ZNF732: variants seen among roughly 807,000 people sequenced by gnomAD.
The protein encoded by ZNF732 is zinc finger protein LOC654254.
Under a neutral mutation model 11.5 loss-of-function variants are expected in ZNF732, and 12 were observed. The observed-to-expected ratio is 1.05, with a 90% CI of 0.67 to 1.70. ZNF732 has a LOEUF of 1.70. ZNF732 is among the 40% of genes most tolerant of loss of function. ZNF732 has a pLI of 0.00. For missense variants in ZNF732, 702 were observed against 676.9 expected, an observed-to-expected ratio of 1.04 and a Z score of -0.41; for synonymous variants, 231 against 236.5, an observed-to-expected ratio of 0.98 and a Z score of 0.21.
At position 295,464 on chromosome 4, in the gene ZNF732, A is replaced by G. The variant is rs1553842111; in HGVS notation, c.200T>C (p.Ile67Thr). 6.2e-7 allele frequency: 1 copy of G among 1,610,920 alleles called. No individual in the cohort carries two copies. Among genetic ancestry groups the G allele is most frequent in the South Asian group, 1.1e-5 (1 of 90,458 alleles). Residue 67 changes from isoleucine (I) to threonine (T), a missense_variant, in exon 3 of 4, where the codon ATA (isoleucine) becomes ACA (threonine). Ile to Thr is a moderately conservative substitution (Grantham distance 89). Transcript: ENST00000419098. ...EQRKEPYKVKIHETVAKHPAV... is the reference protein window; with the variant it reads ...EQRKEPYKVKTHETVAKHPAV... ...TGGGTGTTTGGCTACTGTCTCATGT[A>G]TCTTCACTTTGTAGGGCTCCTTTCT...
chr4:286,325 A>G (rs1719730205), intron 3 of ZNF732, among the ~76,000 whole-genome samples: 1 of 152,254 alleles, frequency 6.6e-6, no homozygotes, highest in Non-Finnish European at 1.5e-5. Context: ...ACAGAAGAAC[A>G]TGTAAATAAT....
At chr4:290,291 G>A (rs1269097937) in intron 3 of ZNF732, among the ~76,000 whole-genome samples, 1 of 152,186 alleles carries the variant, frequency 6.6e-6, no homozygotes, top group Non-Finnish European at 1.5e-5. Context: ...CTACAGACAA[G>A]GAAATTATGC....
chr4:296,234 A>G, intron 1 of ZNF732, 79 bp from the exon 2 acceptor site: 1 of 1,545,974 alleles, frequency 6.5e-7, no homozygotes, highest in South Asian at 1.2e-5. Context: ...TAGTTCTGAC[A>G]TGTGACTGAC....
chr4:300,529 G>C (rs1720095291), intron 1 of ZNF732, among the ~76,000 whole-genome samples: 1 of 146,664 alleles, frequency 6.8e-6, no homozygotes, highest in Non-Finnish European at 1.5e-5. Flanking sequence ...AATTACAAAA[G>C]ACAAATAGTT....
At chr4:301,029 AAAC>A (rs782087691) in intron 1 of ZNF732, among the ~76,000 whole-genome samples, 2 of 152,198 alleles carry the variant, frequency 1.3e-5, no homozygotes, top group African/African-American at 2.4e-5. Context: ...TACAAGAAAA[AAAC>A]AACCCCATCA....
At chr4:292,891 A>G (rs1719867640) in intron 3 of ZNF732, among the ~76,000 whole-genome samples, 1 of 39,052 alleles carries the variant, frequency 2.6e-5, no homozygotes, top group Non-Finnish European at 6.0e-5. Flanking sequence ...CTAAAAACAC[A>G]AAAAAAAAAA....
rs1482774791 is a variant in ZNF732 at position 305,446 on chromosome 4, C to G, written c.-136G>C. The G allele has an allele frequency of 3.9e-6, 5 of 1,282,946 alleles. No homozygotes were observed. The South Asian group carries it at 5.3e-5, about 14-fold the overall frequency. 79.5% of individuals were successfully genotyped at this position (1,282,946 alleles called of 1,614,324 possible). ...GGGTGAAAGCACGGCCGTGGAGACC[C>G]TAACCGAGCTCACGCTGGCGCAAAA... On this transcript the variant is annotated 5_prime_UTR_variant, in exon 1 of 4. Transcript: ENST00000419098.
In ZNF732 at chr4:273,868, GA is replaced by G. The variant is rs782395865; in HGVS notation, c.227-1239del. ...AATTGGGATATTGTTAAGGTGCTAG[GA>G]AAAAAAAAAAAAACTTCTATGTGGG... On this transcript the variant is annotated intron_variant, in intron 3 of 3. Transcript: ENST00000419098. 1.7e-3 allele frequency among the ~76,000 whole-genome samples: 219 copies of G among 131,240 alleles called. 1 individual carries two copies. Among genetic ancestry groups the G allele is most frequent in the Middle Eastern group, 4.1e-3 (1 of 246 alleles). The allele number at this position is 131,240 out of a possible 152,430, so 86.1% of individuals were successfully genotyped here.
intron 1 of ZNF732, among the ~76,000 whole-genome samples, chr4:303,368 T>A (rs1720156552): frequency 6.6e-6 from 1 of 152,172 alleles, no homozygotes; most frequent in South Asian, 2.1e-4. Context: ...TGTGGCGTTT[T>A]CTCTAACTTG....
intron 1 of ZNF732, among the ~76,000 whole-genome samples, chr4:298,105 A>G (rs1719998174): frequency 6.6e-6 from 1 of 152,228 alleles, no homozygotes. Context: ...ATTAGAAGCT[A>G]AATATTTATT....
chr4:287,012 G>T (rs534476574), intron 3 of ZNF732, among the ~76,000 whole-genome samples: 1 of 151,970 alleles, frequency 6.6e-6, no homozygotes, highest in Non-Finnish European at 1.5e-5. Flanking sequence ...TTATCTGGGC[G>T]TGGTGGTGCA....
At chr4:288,177 TA>T (rs1223872069) in intron 3 of ZNF732, among the ~76,000 whole-genome samples, 2 of 152,206 alleles carry the variant, frequency 1.3e-5, no homozygotes, top group African/African-American at 4.8e-5. Flanking sequence ...ACATAATTTT[TA>T]ATTTTTTTTG....
chr4:283,112 T>A (rs1022622155), intron 3 of ZNF732, among the ~76,000 whole-genome samples: 1 of 152,262 alleles, frequency 6.6e-6, no homozygotes, highest in East Asian at 1.9e-4. Context: ...AGGATCAGTA[T>A]CATTATTCCA....
rs1560165473 is a variant in ZNF732, at chr4:299,563, AGT to A, written c.4-3410_4-3409del. ...TATACACATATATATGTATATATATAGTTTTATATATATAATTTATATATAAA... is the reference window on the plus strand; with the variant it reads ...TATACACATATATATGTATATATATATTTATATATATAATTTATATATAAA... On this transcript the variant is annotated intron_variant, in intron 1 of 3. Coordinates refer to ENST00000419098, the MANE Select transcript of ZNF732 (RefSeq NM_001137608.3). Among the ~76,000 whole-genome samples the A allele has an allele frequency of 3.5e-4, 49 of 139,322 alleles. 1 individual carries two copies. The highest frequency in any genetic ancestry group is 1.3e-3 in the African/African-American group (48 of 37,384). The allele number at this position is 139,322 out of a possible 152,430, so 91.4% of individuals were successfully genotyped here. A position where few individuals can be genotyped will look rare whatever the true frequency, so the allele number is the denominator to read the frequency against.
At chr4:282,585 C>G (rs1319408553) in intron 3 of ZNF732, among the ~76,000 whole-genome samples, 2 of 152,058 alleles carry the variant, frequency 1.3e-5, no homozygotes, top group African/African-American at 4.8e-5. Flanking sequence ...CTTGTAATCC[C>G]AGCTACTTGG....
chr4:280,910 C>T (rs1345708174), intron 3 of ZNF732, among the ~76,000 whole-genome samples: 2 of 152,102 alleles, frequency 1.3e-5, no homozygotes, highest in Non-Finnish European at 2.9e-5. Context: ...GCCCCAAATC[C>T]ACTCTTTACA....
At chr4:296,526 C>G (rs574679285) in intron 1 of ZNF732, among the ~76,000 whole-genome samples, 2 of 152,134 alleles carry the variant, frequency 1.3e-5, no homozygotes, top group Non-Finnish European at 2.9e-5. Flanking sequence ...AATGTTTCCA[C>G]CCAGAACAAC....
In ZNF732 at chr4:295,568, G is replaced by C. The variant is rs555249887; in HGVS notation, c.131-35C>G. ...TTAAAAAATTAACATGCTACTGTTA[G>C]GGATTCTCCAATTACCTACCTAATA... On this transcript the variant is annotated intron_variant, in intron 2 of 3. Coordinates refer to ENST00000419098, the MANE Select transcript of ZNF732 (RefSeq NM_001137608.3). 3.3e-4 allele frequency: 510 copies of C among 1,539,166 alleles called. 9 individuals are homozygous for C. The South Asian group carries it at 3.4e-3, about 10-fold the overall frequency.
At chr4:300,217 C>A (rs761047059) in intron 1 of ZNF732, among the ~76,000 whole-genome samples, 1 of 149,034 alleles carries the variant, frequency 6.7e-6, no homozygotes, top group Non-Finnish European at 1.5e-5. Context: ...AATCCCAGCA[C>A]TTTGGGAGGC....
Sources: allele counts gnomAD v4.1 joint callset (sites outside exome capture counted in the v4.1 genomes callset), GRCh38; gene constraint gnomAD v4.1.1; transcripts MANE v1.5; gene names NCBI Gene and HGNC (gene_info 2026-07-23, HGNC 2026-07-21).